CCDC15: variants seen among roughly 807,000 people sequenced by gnomAD.
CCDC15 encodes coiled-coil domain containing 15.
Under a neutral mutation model 114.5 loss-of-function variants are expected in CCDC15, and 105 were observed. The observed-to-expected ratio is 0.92, with a 90% confidence interval of 0.78 to 1.08. The LOEUF (loss-of-function observed/expected upper bound fraction) is 1.08. Ranked by LOEUF, CCDC15 falls within the 50% of genes least tolerant of loss-of-function variation. The pLI is 0.00. For synonymous variants in CCDC15, 334 were observed against 377.8 expected (o/e 0.88, Z 1.34); for missense variants, 1,105 against 1,093.6 (o/e 1.01, Z -0.15).
At chr11:125,027,018 T>C (rs976851136) in intron 13 of CCDC15, among the ~76,000 whole-genome samples, 3 of 152,216 alleles carry the variant, frequency 2.0e-5, no homozygotes, top group Admixed American at 6.5e-5. Flanking sequence ...TTACTTCACT[T>C]AGAATAATAG....
rs1403467201 is a variant in CCDC15, at chr11:124,954,285, C to T, written c.-95C>T. On this transcript the variant is annotated 5_prime_UTR_variant, in exon 1 of 16. Coordinates refer to ENST00000344762, the MANE Select transcript of CCDC15 (RefSeq NM_025004.3). ...CAGGCCTCGGGGCCTCAGAAGCAGG[C>T]TTTTATCTGGCCCGAGGCTCCCAGC... 3 of 158,486 alleles carry T rather than the reference C, an allele frequency of 1.9e-5. No homozygotes were observed. The highest frequency in any genetic ancestry group is 2.8e-5 in the Non-Finnish European group (2 of 71,458). The allele number at this position is 158,486 out of a possible 1,614,324, so 9.8% of individuals were successfully genotyped here. A position where few individuals can be genotyped will look rare whatever the true frequency, so the allele number is the denominator to read the frequency against.
intron 11 of CCDC15, among the ~76,000 whole-genome samples, chr11:125,000,001 A>T (rs1948447971): frequency 6.6e-6 from 1 of 151,084 alleles, no homozygotes; most frequent in Non-Finnish European, 1.5e-5. Context: ...AGCTGGGATT[A>T]CAGGCGCCCA....
At position 125,040,578 on chromosome 11, in the gene CCDC15, CT is replaced by C. The variant is rs770320490; in HGVS notation, c.2735-5del. On this transcript the variant is annotated splice_polypyrimidine_tract_variant and intron_variant, in intron 15 of 15. Coordinates refer to ENST00000344762, the MANE Select transcript of CCDC15 (RefSeq NM_025004.3). ...TGACTTTATTCATTGCTGTGCAAAC[CT>C]TTTTTTGCAGCATATACTCGGGCAC... is the stretch of plus-strand genomic sequence containing the variant. 1.3e-5 allele frequency: 20 copies of C among 1,596,954 alleles called. No individual in the cohort carries two copies. Among genetic ancestry groups the C allele is most frequent in the Admixed American group, 6.9e-5 (4 of 57,952 alleles).
intron 11 of CCDC15, among the ~76,000 whole-genome samples, chr11:124,996,518 T>C (rs768556411): frequency 7.2e-5 from 11 of 152,230 alleles, no homozygotes; most frequent in Non-Finnish European, 8.8e-5. Context: ...CATGTAAATA[T>C]AGACACATTA....
chr11:125,041,338 A>G lies in CCDC15; in HGVS notation c.*627A>G, dbSNP rs993277830. 6.6e-6 allele frequency: 1 copy of G among 152,112 alleles called. No homozygotes were observed. Among genetic ancestry groups the G allele is most frequent in the Non-Finnish European group, 1.5e-5 (1 of 67,990 alleles). The allele number at this position is 152,112 out of a possible 1,614,324, so 9.4% of individuals were successfully genotyped here. A position where few individuals can be genotyped will look rare whatever the true frequency, so the allele number is the denominator to read the frequency against. On this transcript the variant is annotated 3_prime_UTR_variant, in exon 16 of 16. Coordinates refer to ENST00000344762, the MANE Select transcript of CCDC15 (RefSeq NM_025004.3). ...GGTAAATAAATCCTTTGTCTTTTGA[A>G]TATCTTCTATGTGAAATAATTGTGA... is the stretch of plus-strand genomic sequence containing the variant.
Position 124,988,013 on chromosome 11 carries a change from A to G in CCDC15, c.1787A>G (p.Asp596Gly). The G allele has an allele frequency of 6.2e-7, 1 of 1,613,854 alleles. No homozygotes were observed. The highest frequency in any genetic ancestry group is 1.1e-5 in the South Asian group (1 of 91,084). Reference sequence around the variant, plus strand: ...AGAGACCAAGGTTATCTTCCTAAAGACCAAAATATTCTACCCATATGTCAG... The same window carrying G: ...AGAGACCAAGGTTATCTTCCTAAAGGCCAAAATATTCTACCCATATGTCAG... Reference protein sequence around the residue: ...LPRDQGYLPKDQNILPICQDR... With the variant: ...LPRDQGYLPKGQNILPICQDR... The change falls in exon 8 of 16, where the codon GAC (aspartate) becomes GGC (glycine). Residue 596 changes from aspartate (D) to glycine (G), a missense_variant. Transcript: ENST00000344762.
chr11:124,967,036 G>T lies in CCDC15; in HGVS notation c.516+7033G>T, dbSNP rs1379818582. 2.6e-5 allele frequency among the ~76,000 whole-genome samples: 4 copies of T among 152,294 alleles called. No homozygotes were observed. The East Asian group carries it at 5.8e-4, about 22-fold the overall frequency. ...GTTAGTCTGATGGGCTTCCCTTTGT[G>T]GGTAACCCGACCTTCTCTGGCTGAC... On this transcript the variant is annotated intron_variant, in intron 4 of 15. Transcript: ENST00000344762.
At chr11:124,975,275 A>AGGG (rs1320664934) in intron 5 of CCDC15, 66 bp downstream of exon 5, 33 of 927,162 alleles carry the variant, frequency 3.6e-5, no homozygotes, top group Non-Finnish European at 5.0e-5. Context: ...AGATTTACTT[A>AGGG]TATCTCAGCA....
At chr11:125,035,471 T>G (rs7939293) in intron 13 of CCDC15, among the ~76,000 whole-genome samples, 1 of 151,278 alleles carries the variant, frequency 6.6e-6, no homozygotes, top group Non-Finnish European at 1.5e-5. Flanking sequence ...TGTGTCTTTG[T>G]AGATGAAGTA....
chr11:124,988,236 G>A (rs1406827870), intron 8 of CCDC15, 102 bp downstream of exon 8: 3 of 1,256,378 alleles, frequency 2.4e-6, no homozygotes, highest in South Asian at 1.5e-5. Context: ...GATACTGTGG[G>A]TTCAGTTCCA....
At chr11:125,010,126 C>T (rs1565378506) in intron 13 of CCDC15, among the ~76,000 whole-genome samples, 1 of 152,178 alleles carries the variant, frequency 6.6e-6, no homozygotes. Context: ...ATTTACATTT[C>T]CACCAACAAT....
intron 13 of CCDC15, among the ~76,000 whole-genome samples, chr11:125,037,117 C>T (rs974407534): frequency 1.3e-5 from 2 of 152,052 alleles, no homozygotes; most frequent in Non-Finnish European, 2.9e-5. Context: ...ATGAGTTTTA[C>T]CATGTTAGTT....
At chr11:125,012,047 A>G (rs1056826680) in intron 13 of CCDC15, among the ~76,000 whole-genome samples, 1 of 152,186 alleles carries the variant, frequency 6.6e-6, no homozygotes, top group East Asian at 1.9e-4. Flanking sequence ...TCACCCCTTA[A>G]TGTTCCATTG....
At chr11:124,955,235 T>G (rs1591563113) in intron 2 of CCDC15, among the ~76,000 whole-genome samples, 1 of 152,242 alleles carries the variant, frequency 6.6e-6, no homozygotes, top group East Asian at 1.9e-4. Context: ...ATAAGCACTA[T>G]CTACATCTTC....
At chr11:125,023,681 A>G (rs1948676728) in intron 13 of CCDC15, among the ~76,000 whole-genome samples, 1 of 151,990 alleles carries the variant, frequency 6.6e-6, no homozygotes, top group East Asian at 1.9e-4. Context: ...AGAATCCCCA[A>G]ATGTTCCTGG....
In CCDC15 at chr11:124,991,531, A is replaced by G; in HGVS notation, c.1979A>G (p.Asp660Gly). ...GGGAGAGAAGACTTTTCTCTGGCAG[A>G]CTATCAGTGTTTGCCTCCCAAATCC... is the stretch of plus-strand genomic sequence containing the variant. ...EKGREDFSLADYQCLPPKSQD... is the reference protein window; with the variant it reads ...EKGREDFSLAGYQCLPPKSQD... Residue 660 changes from aspartate (D) to glycine (G), a missense_variant, in exon 9 of 16, where the codon GAC becomes GGC. Physicochemically the swap from Asp to Gly is moderately conservative, Grantham distance 94. Coordinates refer to ENST00000344762, the MANE Select transcript of CCDC15 (RefSeq NM_025004.3). 1 of 1,610,462 alleles carries G rather than the reference A, an allele frequency of 6.2e-7. No individual in the cohort carries two copies. The highest frequency in any genetic ancestry group is 8.5e-7 in the Non-Finnish European group (1 of 1,177,452).
chr11:124,961,825 C>G (rs997064229), intron 4 of CCDC15, among the ~76,000 whole-genome samples: 4 of 151,906 alleles, frequency 2.6e-5, no homozygotes, highest in South Asian at 2.1e-4. Flanking sequence ...CACACCTGGC[C>G]GAGATAATTT....
intron 4 of CCDC15, among the ~76,000 whole-genome samples, chr11:124,962,858 T>A (rs1947694471): frequency 6.6e-6 from 1 of 152,212 alleles, no homozygotes; most frequent in South Asian, 2.1e-4. Flanking sequence ...GTCCAAGTGT[T>A]CTCATTGTTC....
chr11:124,998,417 G>A (rs1451199230), intron 11 of CCDC15, among the ~76,000 whole-genome samples: 2 of 152,090 alleles, frequency 1.3e-5, no homozygotes, highest in African/African-American at 4.8e-5. Context: ...GTGGCTTCAA[G>A]CAGAAGTCTC....
Sources: gnomAD v4.1 joint callset for allele counts (sites outside exome capture counted in the v4.1 genomes callset) on GRCh38, gnomAD v4.1.1 for gene constraint, MANE v1.5 for transcripts, NCBI Gene and HGNC (gene_info 2026-07-23, HGNC 2026-07-21) for gene names.